Variants in RIMBP2 observed in about 807,000 individuals in gnomAD.
RIMBP2 encodes RIMS-binding protein 2.
In RIMBP2, 48 loss-of-function variants were observed where a neutral mutation model predicts 118.6. The ratio of observed to expected loss-of-function variants is 0.40; its 90% CI spans 0.32 to 0.51. The LOEUF (loss-of-function observed/expected upper bound fraction) is 0.51, where lower values mean the gene tolerates loss of function less well. RIMBP2 is among the 20% of genes least tolerant of loss of function. RIMBP2 has a pLI of 0.41. For missense variants in RIMBP2, 1,551 were observed against 1,768.3 expected (o/e 0.88, Z 2.20); for synonymous variants, 762 against 742.9 (o/e 1.03, Z -0.42).
chr12:130,667,930 G>A (rs2064023823), intron 1 of RIMBP2: 1 of 152,218 alleles, frequency 6.6e-6, no homozygotes, highest in Non-Finnish European at 1.5e-5. Context: ...TGTGTCTCTT[G>A]ACTTGTGTCC....
chr12:130,537,641 G>C (rs2054195757), intron 2 of RIMBP2, among the ~76,000 whole-genome samples: 1 of 152,184 alleles, frequency 6.6e-6, no homozygotes, highest in Admixed American at 6.5e-5. Flanking sequence ...AAACGAAAGT[G>C]AGTTTCTGTT....
At position 130,422,579 on chromosome 12, in the gene RIMBP2, A is replaced by C; in HGVS notation, c.3130-18T>G. 3 of 1,543,994 alleles carry C rather than the reference A, an allele frequency of 1.9e-6. No homozygotes were observed. The highest frequency in any genetic ancestry group is 2.7e-6 in the Non-Finnish European group (3 of 1,126,798). On this transcript the variant is annotated intron_variant, in intron 16 of 22. Transcript: ENST00000690449. This position sits in a 1 kb window ranked among gnomAD's most constrained non-coding sequence, Gnocchi z 5.2. ...CCTAAAATCTAAAGACAAAACAACA[A>C]CAAAGTCGTAAGTCTCGCCAGCATT...
At position 130,576,660 on chromosome 12, in the gene RIMBP2, C is replaced by T. The variant is rs1326554831; in HGVS notation, c.-217+51662G>A. Among the ~76,000 whole-genome samples, 1 of 152,206 alleles carries T rather than the reference C, an allele frequency of 6.6e-6. No homozygotes were observed. The highest frequency in any genetic ancestry group is 1.5e-5 in the Non-Finnish European group (1 of 68,032). ...GAGATGAGGATGAAGCACGAGCTGG[C>T]AGGACAGGGAGGACGGCAGGGAGTC... On this transcript the variant is annotated intron_variant, in intron 2 of 22. Coordinates refer to ENST00000690449, the MANE Select transcript of RIMBP2 (RefSeq NM_001393629.1). The surrounding 1 kb of genome is among the most constrained non-coding windows in gnomAD (Gnocchi z 4.2).
At chr12:130,400,914 G>A (rs2074476574) in intron 21 of RIMBP2, among the ~76,000 whole-genome samples, 2 of 151,998 alleles carry the variant, frequency 1.3e-5, no homozygotes, top group Non-Finnish European at 2.9e-5. Flanking sequence ...AAAACAAAAT[G>A]GAAAAAACAG....
intron 4 of RIMBP2, among the ~76,000 whole-genome samples, chr12:130,501,874 G>A (rs768866602): frequency 3.9e-5 from 6 of 152,112 alleles, no homozygotes; most frequent in South Asian, 4.2e-4. Flanking sequence ...TCCCTGCCCC[G>A]CACCACATCT....
chr12:130,406,381 A>G, intron 20 of RIMBP2, 138 bp from the exon 21 acceptor site: 5 of 611,482 alleles, frequency 8.2e-6, no homozygotes, highest in Non-Finnish European at 1.4e-5. Context: ...ATAAAGGTAG[A>G]AGCTAATGAA....
intron 2 of RIMBP2, among the ~76,000 whole-genome samples, chr12:130,536,686 A>C (rs774261498): frequency 8.5e-5 from 13 of 152,198 alleles, no homozygotes; most frequent in Non-Finnish European, 1.6e-4. Flanking sequence ...ATTTAATTTT[A>C]AGTTTAATTT....
intron 2 of RIMBP2, among the ~76,000 whole-genome samples, chr12:130,567,860 CTG>C (rs2057342341): frequency 2.6e-5 from 4 of 152,194 alleles, no homozygotes; most frequent in Non-Finnish European, 5.9e-5. Flanking sequence ...GGAATTCTCT[CTG>C]TGGAAATAAT....
intron 2 of RIMBP2, among the ~76,000 whole-genome samples, chr12:130,585,354 C>G (rs1321436141): frequency 1.3e-5 from 2 of 152,176 alleles, no homozygotes; most frequent in Non-Finnish European, 2.9e-5. Context: ...GGATCAAATA[C>G]ATTCGTCGAA....
rs892890788 is a variant in RIMBP2, at chr12:130,621,359, A to G, written c.-217+6963T>C. ...GAACAGCGCCAGGCCTGTGAACTCC[A>G]AGTGCACCATTAAGGGACTCTGATT... On this transcript the variant is annotated intron_variant, in intron 2 of 22. Coordinates refer to ENST00000690449, the MANE Select transcript of RIMBP2 (RefSeq NM_001393629.1). The surrounding 1 kb of genome is among the most constrained non-coding windows in gnomAD (Gnocchi z 6.6). 4.6e-5 allele frequency among the ~76,000 whole-genome samples: 7 copies of G among 152,196 alleles called. No individual in the cohort carries two copies. Among genetic ancestry groups the G allele is most frequent in the African/African-American group, 1.7e-4 (7 of 41,458 alleles).
intron 1 of RIMBP2, among the ~76,000 whole-genome samples, chr12:130,671,922 C>T (rs1430529040): frequency 6.6e-6 from 1 of 152,162 alleles, no homozygotes; most frequent in Non-Finnish European, 1.5e-5. Flanking sequence ...TATTTTCATG[C>T]CACTTAGAAG....
intron 1 of RIMBP2, among the ~76,000 whole-genome samples, chr12:130,681,045 C>T (rs1477884016): frequency 3.3e-5 from 5 of 152,178 alleles, no homozygotes; most frequent in African/African-American, 9.7e-5. Context: ...GGTATCAGGA[C>T]ACCAGAGGTG....
In RIMBP2 at chr12:130,628,354, G is replaced by T; in HGVS notation, c.-249C>A. The T allele has an allele frequency of 6.6e-6, 1 of 152,360 alleles. No individual in the cohort carries two copies. The allele number at this position is 152,360 out of a possible 1,614,324, so 9.4% of individuals were successfully genotyped here. ...TTTCTCTGCTGAGTTCCTGGTCTCA[G>T]GAGAGGAAGTGGGAAATTTCCCCAG... On this transcript the variant is annotated 5_prime_UTR_variant, in exon 2 of 23. It adds an upstream start codon to the 5' untranslated region. Coordinates refer to ENST00000690449, the MANE Select transcript of RIMBP2 (RefSeq NM_001393629.1).
Position 130,461,493 on chromosome 12 carries a change from G to T in RIMBP2, c.154-4793C>A, listed in dbSNP as rs1234522169. Among the ~76,000 whole-genome samples, 3 of 152,124 alleles carry T rather than the reference G, an allele frequency of 2.0e-5. No homozygotes were observed. In the East Asian group the frequency reaches 5.8e-4, roughly 29 times the overall value. The stretch of plus-strand genomic sequence containing the variant: ...GGTTTCCCAGGAGCAGCAGGGCATT[G>T]TCCCCTCCACATCTCATGTTGAAAA... On this transcript the variant is annotated intron_variant, in intron 6 of 22. Coordinates refer to ENST00000690449, the MANE Select transcript of RIMBP2 (RefSeq NM_001393629.1).
rs1225437277 is a variant in RIMBP2, at chr12:130,621,345, G to A, written c.-217+6977C>T. The stretch of plus-strand genomic sequence containing the variant: ...ATAATACAATGTGGGAACAGCGCCA[G>A]GCCTGTGAACTCCAAGTGCACCATT... On this transcript the variant is annotated intron_variant, in intron 2 of 22. Transcript: ENST00000690449. The surrounding 1 kb of genome is among the most constrained non-coding windows in gnomAD (Gnocchi z 6.6). Among the ~76,000 whole-genome samples the A allele has an allele frequency of 1.3e-5, 2 of 152,200 alleles. No individual in the cohort carries two copies. Among genetic ancestry groups the A allele is most frequent in the East Asian group, 1.9e-4 (1 of 5,184 alleles).
chr12:130,445,010 T>G (rs898552317), intron 10 of RIMBP2, 150 bp downstream of exon 10: 4 of 530,362 alleles, frequency 7.5e-6, no homozygotes, highest in Non-Finnish European at 1.0e-5. Context: ...GCAAACCTGG[T>G]AACTACGGAG....
rs1266091569 is a variant in RIMBP2 at position 130,442,208 on chromosome 12, G to A, written c.1144C>T (p.Arg382Cys). ...EKLNMAACTY[R>C]ISVQCVTSRG... ...CTGGTGACGCACTGCACGGAGATGCGGTAGGTGCAGGCTGCCATGTTGAGC... is the reference window on the plus strand; with the variant it reads ...CTGGTGACGCACTGCACGGAGATGCAGTAGGTGCAGGCTGCCATGTTGAGC... Residue 382 changes from arginine to cysteine, a missense_variant, in exon 11 of 23, where the codon CGC becomes TGC. Physicochemically the swap from Arg to Cys is radical, Grantham distance 180. Around this residue, in one of 5 missense-constraint regions of RIMBP2, gnomAD observed 265 missense variants for 349.5 expected, o/e 0.76. Transcript: ENST00000690449. The surrounding 1 kb of genome is among the most constrained non-coding windows in gnomAD (Gnocchi z 6.9). 3.1e-6 allele frequency: 5 copies of A among 1,614,182 alleles called. No individual in the cohort carries two copies. Among genetic ancestry groups the A allele is most frequent in the South Asian group, 1.1e-5 (1 of 91,076 alleles).
intron 2 of RIMBP2, among the ~76,000 whole-genome samples, chr12:130,603,449 A>G (rs115951403): frequency 0.012 from 1,811 of 152,348 alleles, 43 homozygotes; most frequent in African/African-American, 0.041. Flanking sequence ...ATGGATAAGG[A>G]AAATTTGTCA....
At chr12:130,712,714 T>C (rs1329709888) in intron 1 of RIMBP2, among the ~76,000 whole-genome samples, 1 of 152,190 alleles carries the variant, frequency 6.6e-6, no homozygotes, top group Non-Finnish European at 1.5e-5. Flanking sequence ...TCATTTATTA[T>C]CATCGAGCAT....
Sources: gnomAD v4.1 joint callset for allele counts (sites outside exome capture counted in the v4.1 genomes callset) on GRCh38, gnomAD v4.1.1 for gene constraint, gnomAD v4.1.1 regional missense constraint, Gnocchi (gnomAD v3.1) non-coding constraint, MANE v1.5 for transcripts, NCBI Gene and HGNC (gene_info 2026-07-23, HGNC 2026-07-21) for gene names.